TRIM66: variants seen among roughly 807,000 people sequenced by gnomAD.
TRIM66 encodes the protein tripartite motif containing 66, also known as tripartite motif-containing protein 66.
TRIM66 carries 99 observed loss-of-function variants against 148.2 expected under a neutral mutation model. That is an observed-to-expected ratio of 0.67 (90% confidence interval 0.57 to 0.79). TRIM66 has a LOEUF of 0.79. TRIM66 is among the 30% of genes least tolerant of loss of function. TRIM66 has a pLI of 0.00. For synonymous variants in TRIM66, 616 were observed against 635.9 expected, an observed-to-expected ratio of 0.97 and a Z score of 0.47; for missense variants, 1,666 against 1,697.9, an observed-to-expected ratio of 0.98 and a Z score of 0.33.
intron 12 of TRIM66, chr11:8,644,401 C>T (rs1228722168): frequency 2.2e-6 from 1 of 453,022 alleles, no homozygotes; most frequent in Non-Finnish European, 4.4e-6. Flanking sequence ...TGCTACTTAC[C>T]AATGTTTTAA....
intron 13 of TRIM66, 31 bp downstream of exon 13, chr11:8,642,978 G>A (rs890048126): frequency 6.7e-7 from 1 of 1,500,958 alleles, no homozygotes; most frequent in Non-Finnish European, 9.0e-7. Context: ...CCACAGGGTG[G>A]GTAGGCCTGG....
chr11:8,665,640 G>C (rs1322210101), intron 6 of TRIM66, among the ~76,000 whole-genome samples: 2 of 152,114 alleles, frequency 1.3e-5, no homozygotes, highest in African/African-American at 4.8e-5. Flanking sequence ...ACACCACATA[G>C]GGTCCTAATA....
intron 6 of TRIM66, among the ~76,000 whole-genome samples, chr11:8,669,066 T>C (rs964625125): frequency 1.3e-5 from 2 of 152,220 alleles, no homozygotes; most frequent in African/African-American, 4.8e-5. Flanking sequence ...CAGAAAAGAA[T>C]TGTGGCCATC....
chr11:8,618,591 G>T, intron 24 of TRIM66, 159 bp downstream of exon 24: 2 of 677,784 alleles, frequency 3.0e-6, no homozygotes, highest in Non-Finnish European at 5.0e-6. Flanking sequence ...GCCCTGTACT[G>T]CCCTGCCTTC....
intron 12 of TRIM66, among the ~76,000 whole-genome samples, chr11:8,643,338 T>C (rs1190502867): frequency 8.8e-5 from 9 of 101,922 alleles, no homozygotes; most frequent in African/African-American, 2.7e-4. Flanking sequence ...ACCTACATTC[T>C]TTTTTTTTTT....
Position 8,614,984 on chromosome 11 carries a change from A to G in TRIM66, c.*2960T>C, listed in dbSNP as rs953908358. On this transcript the variant is annotated 3_prime_UTR_variant, in exon 25 of 25. Coordinates refer to ENST00000646038, the MANE Select transcript of TRIM66 (RefSeq NM_001388022.1). ...CGTTCTGTTGCCCAGGCTGGAATGC[A>G]ATGGCATGATCTCAGCTCACTGCAA... 2.6e-5 allele frequency: 4 copies of G among 152,128 alleles called. No homozygotes were observed. Among genetic ancestry groups the G allele is most frequent in the Non-Finnish European group, 5.9e-5 (4 of 68,142 alleles). 9.4% of individuals were successfully genotyped at this position (152,128 alleles called of 1,614,324 possible).
intron 7 of TRIM66, 77 bp from the exon 8 acceptor site, chr11:8,649,964 G>A: frequency 6.7e-7 from 1 of 1,489,026 alleles, no homozygotes; most frequent in South Asian, 1.3e-5. Context: ...ATGCTCTAAA[G>A]ACAGGGGTCC....
At chr11:8,681,505 C>T (rs1293317438) in intron 1 of TRIM66, among the ~76,000 whole-genome samples, 1 of 152,030 alleles carries the variant, frequency 6.6e-6, no homozygotes, top group African/African-American at 2.4e-5. Context: ...AATAAATACA[C>T]GCTCACACAT....
chr11:8,669,915 T>C (rs1281465059), intron 6 of TRIM66, among the ~76,000 whole-genome samples: 1 of 152,168 alleles, frequency 6.6e-6, no homozygotes, highest in Non-Finnish European at 1.5e-5. Context: ...ATAGGTACAT[T>C]GTGTGTCATG....
In TRIM66 at chr11:8,638,702, G is replaced by A. The variant is rs958695017; in HGVS notation, c.2262C>T (p.Pro754=). 2 of 1,549,582 alleles carry A rather than the reference G, an allele frequency of 1.3e-6. No individual in the cohort carries two copies. Among genetic ancestry groups the A allele is most frequent in the East Asian group, 2.5e-5 (1 of 40,670 alleles). Residue 754 remains proline (P), a synonymous_variant, in exon 15 of 25, where the codon CCC becomes CCT. Coordinates refer to ENST00000646038, the MANE Select transcript of TRIM66 (RefSeq NM_001388022.1). ...ASGEETPLSV[P]PVDSTIQHSS... is the part of the protein sequence containing the mutation. ...AGTGCTGGATGGTGCTGTCCACTGG[G>A]GGGACACTGAGAGGGGTTTCTTCCC...
chr11:8,644,952 A>G (rs2036718929), intron 12 of TRIM66, among the ~76,000 whole-genome samples: 1 of 152,190 alleles, frequency 6.6e-6, no homozygotes, highest in Non-Finnish European at 1.5e-5. Flanking sequence ...TCTGTGTACC[A>G]CACTCTGTTT....
At chr11:8,651,297 G>A (rs1349979936) in intron 7 of TRIM66, among the ~76,000 whole-genome samples, 1 of 152,044 alleles carries the variant, frequency 6.6e-6, no homozygotes, top group East Asian at 1.9e-4. Context: ...TTACCCTAGT[G>A]GAAAGAGGAA....
rs140053246 is a variant in TRIM66, at chr11:8,673,451, G to T, written c.-111-1066C>A. On this transcript the variant is annotated intron_variant, in intron 4 of 24. Transcript: ENST00000646038. ...AGTATTACTTGTCTCAGGTTAATGA[G>T]CTGAGAGAGGGGCAGACTTAATACA... Among the ~76,000 whole-genome samples, 183 of 152,304 alleles carry T rather than the reference G, an allele frequency of 1.2e-3. 1 individual carries two copies. Among genetic ancestry groups the T allele is most frequent in the Middle Eastern group, 0.01 (3 of 294 alleles).
intron 6 of TRIM66, among the ~76,000 whole-genome samples, chr11:8,655,458 C>T (rs1020997108): frequency 1.1e-4 from 16 of 152,078 alleles, no homozygotes; most frequent in African/African-American, 3.9e-4. Flanking sequence ...TTATCCAACC[C>T]ATTTACTCTG....
chr11:8,651,987 A>C (rs1592144112), intron 6 of TRIM66, 84 bp from the exon 7 acceptor site: 1 of 1,057,556 alleles, frequency 9.5e-7, no homozygotes, highest in East Asian at 2.6e-5. Flanking sequence ...CTAATACACA[A>C]CACCAAGATA....
chr11:8,657,914 G>A (rs1292845063), intron 6 of TRIM66, among the ~76,000 whole-genome samples: 1 of 152,250 alleles, frequency 6.6e-6, no homozygotes, highest in Admixed American at 6.5e-5. Flanking sequence ...TGGCCCTGCT[G>A]CCGTGATTAG....
At chr11:8,675,153 C>T (rs931678025) in intron 3 of TRIM66, among the ~76,000 whole-genome samples, 4 of 152,334 alleles carry the variant, frequency 2.6e-5, no homozygotes, top group African/African-American at 2.4e-5. Context: ...AATATCGACA[C>T]ATTTCATTAC....
At position 8,651,823 on chromosome 11, in the gene TRIM66, T is replaced by C. The variant is rs540215236; in HGVS notation, c.421A>G (p.Thr141Ala). 1.9e-6 allele frequency: 3 copies of C among 1,551,740 alleles called. No homozygotes were observed. The highest frequency in any genetic ancestry group is 2.6e-6 in the Non-Finnish European group (3 of 1,147,002). Reference sequence around the variant, plus strand: ...ACCCTGGCCATCTTGGGTTGCTCAGTAGGAACACAATGCAGAAAAAAATGT... The same window carrying C: ...ACCCTGGCCATCTTGGGTTGCTCAGCAGGAACACAATGCAGAAAAAAATGT... ...TEHFFLHCVP[T>A]EQPKMARNCS... The change falls in exon 7 of 25, where the codon ACT (threonine) becomes GCT (alanine). Residue 141 changes from threonine to alanine, a missense_variant. Coordinates refer to ENST00000646038, the MANE Select transcript of TRIM66 (RefSeq NM_001388022.1).
chr11:8,665,528 C>T (rs1265094239), intron 6 of TRIM66, among the ~76,000 whole-genome samples: 1 of 152,238 alleles, frequency 6.6e-6, no homozygotes, highest in African/African-American at 2.4e-5. Flanking sequence ...AAGTCAAGGG[C>T]TCTGTCTTTT....
Sources: gnomAD v4.1 joint callset for allele counts (sites outside exome capture counted in the v4.1 genomes callset) on GRCh38, gnomAD v4.1.1 for gene constraint, MANE v1.5 for transcripts, NCBI Gene and HGNC (gene_info 2026-07-23, HGNC 2026-07-21) for gene names.